Variants in OR7C1 observed in about 807,000 individuals in gnomAD.
The protein encoded by OR7C1 is olfactory receptor 7C1.
For synonymous variants in OR7C1, 152 were observed against 160.7 expected (o/e 0.95, Z 0.41); for missense variants, 324 against 383.3 (o/e 0.85, Z 1.29).
rs545742491 is a variant in OR7C1 at position 14,811,911 on chromosome 19, C to T, written c.-622-1918G>A. Among the ~76,000 whole-genome samples, 489 of 152,114 alleles carry T rather than the reference C, an allele frequency of 3.2e-3. 3 individuals carry two copies. Among genetic ancestry groups the T allele is most frequent in the South Asian group, 0.019 (93 of 4,830 alleles). ...CACCTCCTCCCGTGCGGCCTAGCTC[C>T]TAACAGGCTGTGGACCAGTACTGGT... On this transcript the variant is annotated intron_variant, in intron 1 of 4. Coordinates refer to ENST00000641666, the Ensembl canonical transcript of OR7C1.
At chr19:14,810,587 A>T (rs1186285617) in intron 1 of OR7C1, among the ~76,000 whole-genome samples, 2 of 146,280 alleles carry the variant, frequency 1.4e-5, no homozygotes, top group East Asian at 4.0e-4. Flanking sequence ...GCGTTTCACC[A>T]TGTTAGTCAG....
chr19:14,800,178 C>A, intron 4 of OR7C1, 29 bp from the exon 5 acceptor site: 1 of 1,499,192 alleles, frequency 6.7e-7, no homozygotes, highest in South Asian at 1.4e-5. Flanking sequence ...AAGCAACAGT[C>A]AATTATCAAC....
intron 1 of OR7C1, chr19:14,828,318 T>C: frequency 7.1e-7 from 1 of 1,414,254 alleles, no homozygotes; most frequent in Non-Finnish European, 9.6e-7. Flanking sequence ...CTTTCAGAAA[T>C]ACCATCATTT....
At chr19:14,799,688 C>A in exon 5 of OR7C1, 1 of 1,614,076 alleles carries the variant, frequency 6.2e-7, no homozygotes, top group Non-Finnish European at 8.5e-7. Flanking sequence ...GACACTGATG[C>A]ACCAGGACCC....
At position 14,800,246 on chromosome 19, in the gene OR7C1, A is replaced by C; in HGVS notation, c.-14+10T>G. The stretch of plus-strand genomic sequence containing the variant: ...ATTTTAAGTGAAGGAATCAATTAAC[A>C]AAAGATTGCCTTTTTCTTGCTGTCT... On this transcript the variant is annotated intron_variant, in intron 4 of 4. Transcript: ENST00000641666. 1.6e-6 allele frequency: 2 copies of C among 1,259,076 alleles called. No individual in the cohort carries two copies. The highest frequency in any genetic ancestry group is 3.1e-5 in the South Asian group (2 of 65,444). 78.0% of individuals were successfully genotyped at this position (1,259,076 alleles called of 1,614,324 possible).
chr19:14,818,995 C>G (rs2044729173), intron 1 of OR7C1, among the ~76,000 whole-genome samples: 1 of 151,860 alleles, frequency 6.6e-6, no homozygotes, highest in East Asian at 1.9e-4. Flanking sequence ...GCCATGTTGG[C>G]GTGCTGCACC....
intron 2 of OR7C1, among the ~76,000 whole-genome samples, chr19:14,808,308 A>T (rs1354610350): frequency 6.6e-6 from 1 of 151,968 alleles, no homozygotes; most frequent in Non-Finnish European, 1.5e-5. Flanking sequence ...CACAAAAGAC[A>T]CCTGAACTAA....
chr19:14,808,982 A>G (rs1418858793), intron 2 of OR7C1, among the ~76,000 whole-genome samples: 1 of 151,882 alleles, frequency 6.6e-6, no homozygotes, highest in South Asian at 2.1e-4. Context: ...TGTCATATAC[A>G]TTTAAGATAT....
At chr19:14,827,788 T>A in intron 1 of OR7C1, 4 of 1,614,154 alleles carry the variant, frequency 2.5e-6, no homozygotes, top group Non-Finnish European at 3.4e-6. Context: ...TACAGAGCAC[T>A]CATGGTCCAG....
At chr19:14,820,819 C>T (rs748710760) in intron 1 of OR7C1, among the ~76,000 whole-genome samples, 8 of 151,974 alleles carry the variant, frequency 5.3e-5, no homozygotes, top group Non-Finnish European at 1.2e-4. Flanking sequence ...GCATCTTGCA[C>T]GAGGAACGGA....
intron 2 of OR7C1, among the ~76,000 whole-genome samples, chr19:14,805,735 A>G (rs772545525): frequency 1.1e-4 from 17 of 152,018 alleles, no homozygotes; most frequent in Admixed American, 2.0e-4. Context: ...TTTCTGTGTG[A>G]CAAAAAATAA....
chr19:14,823,399 C>T (rs914679500), intron 1 of OR7C1, among the ~76,000 whole-genome samples: 14 of 152,152 alleles, frequency 9.2e-5, no homozygotes, highest in African/African-American at 2.9e-4. Context: ...TTGTGGTGAG[C>T]CAAGGTTGTG....
At chr19:14,809,112 G>A (rs1417014950) in intron 2 of OR7C1, among the ~76,000 whole-genome samples, 1 of 151,916 alleles carries the variant, frequency 6.6e-6, no homozygotes, top group Non-Finnish European at 1.5e-5. Flanking sequence ...TTGACCCATT[G>A]TATCTCTACT....
intron 1 of OR7C1, among the ~76,000 whole-genome samples, chr19:14,818,908 TTC>T (rs1243033047): frequency 2.6e-5 from 4 of 152,202 alleles, no homozygotes; most frequent in African/African-American, 7.2e-5. Context: ...ACACATTTTT[TTC>T]TTTCTTTTTT....
chr19:14,799,019 G>C (rs1280205042), exon 5 of OR7C1: 16 of 879,088 alleles, frequency 1.8e-5, no homozygotes, highest in Non-Finnish European at 2.6e-5. Flanking sequence ...CAAGGACTCT[G>C]TGGCCCTCCC....
chr19:14,803,715 A>AT lies in OR7C1; in HGVS notation c.-434-2952dup, dbSNP rs572056695. The stretch of plus-strand genomic sequence containing the variant: ...TACCTAAATAATAATAATAATAATA[A>AT]TTTTTTTTTTTTGAGACGGAGTGTC... On this transcript the variant is annotated intron_variant, in intron 2 of 4. Coordinates refer to ENST00000641666, the Ensembl canonical transcript of OR7C1. Among the ~76,000 whole-genome samples the AT allele has an allele frequency of 1.5e-3, 223 of 147,192 alleles. 1 individual carries two copies. The highest frequency in any genetic ancestry group is 3.5e-3 in the Middle Eastern group (1 of 286).
At chr19:14,802,016 T>G (rs2044644337) in intron 2 of OR7C1, among the ~76,000 whole-genome samples, 1 of 152,172 alleles carries the variant, frequency 6.6e-6, no homozygotes, top group South Asian at 2.1e-4. Context: ...CAGTCAGGAA[T>G]CTGGAAAACA....
chr19:14,830,896 A>G (rs2044825440), intron 1 of OR7C1, among the ~76,000 whole-genome samples: 1 of 152,146 alleles, frequency 6.6e-6, no homozygotes, highest in South Asian at 2.1e-4. Context: ...CCCTCAGCTG[A>G]TGGAAAAATG....
rs1230630319 is a variant in OR7C1 at position 14,810,892 on chromosome 19, C to T, written c.-622-899G>A. The stretch of plus-strand genomic sequence containing the variant: ...GGCTAAACACATTCATATTTTTAAT[C>T]CACATGATCTAATTTTTTGGGCTAT... On this transcript the variant is annotated intron_variant, in intron 1 of 4. Transcript: ENST00000641666. Among the ~76,000 whole-genome samples, 3 of 151,544 alleles carry T rather than the reference C, an allele frequency of 2.0e-5. No homozygotes were observed. The South Asian group carries it at 6.6e-4, about 33-fold the overall frequency.
Sources: allele counts gnomAD v4.1 joint callset (sites outside exome capture counted in the v4.1 genomes callset), GRCh38; gene constraint gnomAD v4.1.1; transcripts MANE v1.5; gene names NCBI Gene and HGNC (gene_info 2026-07-23, HGNC 2026-07-21).